The following MARCHF7 variants were observed in gnomAD, a reference collection of about 807,000 sequenced individuals.
MARCHF7 encodes the protein E3 ubiquitin-protein ligase MARCHF7.
A neutral mutation model predicts 76.5 loss-of-function variants in MARCHF7; 20 were observed. The ratio of observed to expected loss-of-function variants is 0.26; its 90% CI spans 0.18 to 0.38. The LOEUF (loss-of-function observed/expected upper bound fraction) is 0.38. Ranked by LOEUF, MARCHF7 falls within the 10% of genes least tolerant of loss-of-function variation. MARCHF7 has a pLI of 1.00. For missense variants in MARCHF7, 797 were observed against 812.9 expected (o/e 0.98, Z 0.24); for synonymous variants, 295 against 293.0 (o/e 1.01, Z -0.07).
At chr2:159,752,008 C>T (rs141572512) in intron 7 of MARCHF7, among the ~76,000 whole-genome samples, 1,806 of 152,174 alleles carry the variant, frequency 0.012, 22 homozygotes, top group Non-Finnish European at 0.015. Flanking sequence ...TACCTTTATA[C>T]TGTTGGACTT....
intron 3 of MARCHF7, among the ~76,000 whole-genome samples, chr2:159,724,719 C>T (rs1185343976): frequency 6.6e-6 from 1 of 152,110 alleles, no homozygotes; most frequent in East Asian, 1.9e-4. Flanking sequence ...TTCTAGGGTA[C>T]ACGTGCACAA....
chr2:159,743,552 T>C (rs1459232998), intron 5 of MARCHF7, among the ~76,000 whole-genome samples: 1 of 152,206 alleles, frequency 6.6e-6, no homozygotes, highest in African/African-American at 2.4e-5. Flanking sequence ...TATTTTGTAA[T>C]TGTTACAAGG....
chr2:159,735,465 C>T (rs1703341770), intron 4 of MARCHF7, among the ~76,000 whole-genome samples: 1 of 152,192 alleles, frequency 6.6e-6, no homozygotes, highest in Non-Finnish European at 1.5e-5. Flanking sequence ...TTATGGTTAT[C>T]ACTGCACTGC....
intron 2 of MARCHF7, among the ~76,000 whole-genome samples, 163 bp from the exon 3 acceptor site, chr2:159,715,518 T>A (rs1244565218): frequency 1.3e-5 from 2 of 152,100 alleles, no homozygotes; most frequent in African/African-American, 4.8e-5. Flanking sequence ...GACTAATTTT[T>A]ATATTTTTTT....
At chr2:159,729,425 C>T (rs1255903508) in intron 4 of MARCHF7, among the ~76,000 whole-genome samples, 1 of 152,174 alleles carries the variant, frequency 6.6e-6, no homozygotes, top group African/African-American at 2.4e-5. Flanking sequence ...AATCCCAGCA[C>T]TTTGGCAGGC....
At chr2:159,729,256 G>A in intron 4 of MARCHF7, 81 bp downstream of exon 4, 1 of 1,019,526 alleles carries the variant, frequency 9.8e-7, no homozygotes, top group Non-Finnish European at 1.3e-6. Flanking sequence ...TTTAAAAAAT[G>A]TGTTAGCTGG....
intron 3 of MARCHF7, among the ~76,000 whole-genome samples, chr2:159,726,537 C>T (rs1702198254): frequency 6.6e-6 from 1 of 152,180 alleles, no homozygotes; most frequent in Non-Finnish European, 1.5e-5. Context: ...GCTGGGATTA[C>T]AGGCATGAGC....
At chr2:159,762,390 A>G (rs1050783222) in intron 9 of MARCHF7, among the ~76,000 whole-genome samples, 34 of 152,096 alleles carry the variant, frequency 2.2e-4, no homozygotes, top group Non-Finnish European at 3.4e-4. Flanking sequence ...ACCAACTACA[A>G]ATTTCTGTGT....
chr2:159,736,319 G>A (rs865955088), intron 4 of MARCHF7, among the ~76,000 whole-genome samples: 1 of 152,202 alleles, frequency 6.6e-6, no homozygotes, highest in Non-Finnish European at 1.5e-5. Context: ...TGGGTATGAA[G>A]TGGTATGTAT....
chr2:159,715,154 A>G (rs940680023), intron 2 of MARCHF7, among the ~76,000 whole-genome samples: 2 of 152,358 alleles, frequency 1.3e-5, no homozygotes, highest in East Asian at 1.9e-4. Context: ...TAACTGTTAA[A>G]TAAGTGAATC....
In MARCHF7 at chr2:159,729,138, C is replaced by T. The variant is rs1262353038; in HGVS notation, c.116C>T (p.Ser39Leu). The change falls in exon 4 of 12, where the codon TCA becomes TTA. Residue 39 changes from serine (S) to leucine (L), a missense_variant. This residue lies in a region of MARCHF7 where 643 missense variants were observed against 631.5 expected (regional missense o/e 1.02). Coordinates refer to ENST00000409175, the MANE Select transcript of MARCHF7 (RefSeq NM_001282805.2). ...RGSSLNDTYH[S>L]RDSSFRLDSE... The stretch of plus-strand genomic sequence containing the variant: ...AGTAGTTTAAATGATACCTATCACT[C>T]AAGAGACTCTTCATTTAGATTGGAT... The T allele has an allele frequency of 6.2e-7, 1 of 1,608,004 alleles. No homozygotes were observed. The highest frequency in any genetic ancestry group is 1.7e-5 in the Admixed American group (1 of 59,030).
chr2:159,737,692 G>C, intron 4 of MARCHF7, among the ~76,000 whole-genome samples: 1 of 152,166 alleles, frequency 6.6e-6, no homozygotes, highest in East Asian at 1.9e-4. Context: ...GGAGGCTGAG[G>C]TGGAAGGATT....
intron 5 of MARCHF7, among the ~76,000 whole-genome samples, chr2:159,744,485 G>A (rs1394650659): frequency 6.6e-6 from 1 of 152,192 alleles, no homozygotes; most frequent in Non-Finnish European, 1.5e-5. Flanking sequence ...GGAGGCTACC[G>A]TCTCACTCAT....
chr2:159,732,999 G>C (rs1365039507), intron 4 of MARCHF7: 1 of 840,898 alleles, frequency 1.2e-6, no homozygotes, highest in Non-Finnish European at 1.4e-6. Context: ...ACAGTGCCTA[G>C]AACATAGTAT....
chr2:159,728,875 T>C, intron 3 of MARCHF7, 134 bp from the exon 4 acceptor site: 1 of 482,894 alleles, frequency 2.1e-6, no homozygotes, highest in Non-Finnish European at 3.5e-6. Flanking sequence ...TGGTGATCAT[T>C]TCACAATTTA....
chr2:159,731,243 A>G (rs192089338), intron 4 of MARCHF7, among the ~76,000 whole-genome samples: 35 of 152,252 alleles, frequency 2.3e-4, no homozygotes, highest in Non-Finnish European at 2.6e-4. Context: ...TTACATGACA[A>G]TGCTTTATGT....
At chr2:159,740,538 C>T (rs1222009199) in intron 4 of MARCHF7, among the ~76,000 whole-genome samples, 1 of 152,082 alleles carries the variant, frequency 6.6e-6, no homozygotes, top group Non-Finnish European at 1.5e-5. Flanking sequence ...GGTTTTAGAA[C>T]CACTGGCCTG....
At chr2:159,723,886 T>A (rs1304779006) in intron 3 of MARCHF7, among the ~76,000 whole-genome samples, 5 of 151,628 alleles carry the variant, frequency 3.3e-5, no homozygotes, top group Non-Finnish European at 2.9e-5. Context: ...CATGTGATGC[T>A]TTTTCTTTTC....
In MARCHF7 at chr2:159,765,414, G is replaced by A. The variant is rs111892665; in HGVS notation, c.2056+740G>A. On this transcript the variant is annotated intron_variant, in intron 11 of 11. Coordinates refer to ENST00000409175, the MANE Select transcript of MARCHF7 (RefSeq NM_001282805.2). ...TAACTTCCAGTGTGCTTCATACCAT[G>A]TGGGCATAGGTATTGGTGGCTCTGG... is the stretch of plus-strand genomic sequence containing the variant. Among the ~76,000 whole-genome samples, 627 of 152,192 alleles carry A rather than the reference G, an allele frequency of 4.1e-3. 3 individuals are homozygous for A. The highest frequency in any genetic ancestry group is 0.014 in the African/African-American group (573 of 41,528).
Sources: gnomAD v4.1 joint callset for allele counts (sites outside exome capture counted in the v4.1 genomes callset) on GRCh38, gnomAD v4.1.1 for gene constraint, gnomAD v4.1.1 regional missense constraint, MANE v1.5 for transcripts, NCBI Gene and HGNC (gene_info 2026-07-23, HGNC 2026-07-21) for gene names.